NEIL3: variants seen among roughly 807,000 people sequenced by gnomAD.
The protein encoded by NEIL3 is nei like DNA glycosylase 3, also known as endonuclease 8-like 3.
In NEIL3, 48 loss-of-function variants were observed where a neutral mutation model predicts 57.5. The observed-to-expected ratio is 0.83, with a 90% CI of 0.66 to 1.06. The LOEUF (loss-of-function observed/expected upper bound fraction) is 1.06, where lower values mean the gene tolerates loss of function less well. Ranked by LOEUF, NEIL3 falls within the 50% of genes least tolerant of loss-of-function variation. The pLI is 0.00. For missense variants in NEIL3, 717 were observed against 739.1 expected, an observed-to-expected ratio of 0.97 and a Z score of 0.35; for synonymous variants, 261 against 253.2, an observed-to-expected ratio of 1.03 and a Z score of -0.29.
intron 6 of NEIL3, among the ~76,000 whole-genome samples, chr4:177,344,446 G>T (rs932094319): frequency 6.6e-6 from 1 of 152,052 alleles, no homozygotes; most frequent in Non-Finnish European, 1.5e-5. Flanking sequence ...AAATCCTCCT[G>T]TTTCTTCTGT....
At chr4:177,367,288 T>C (rs969905823), downstream of NEIL3, among the ~76,000 whole-genome samples, 5 of 152,212 alleles carry the variant, frequency 3.3e-5, no homozygotes, top group African/African-American at 1.2e-4. Context: ...TATCTTAGCA[T>C]GCCATCAGCC....
intron 2 of NEIL3, among the ~76,000 whole-genome samples, chr4:177,323,646 A>G (rs904268326): frequency 6.6e-6 from 1 of 152,196 alleles, no homozygotes; most frequent in Non-Finnish European, 1.5e-5. Flanking sequence ...TGCAGGTTAC[A>G]CTGCTGCTGT....
intron 2 of NEIL3, among the ~76,000 whole-genome samples, chr4:177,331,442 CA>C (rs531895754): frequency 9.2e-4 from 139 of 151,564 alleles, no homozygotes; most frequent in Admixed American, 4.7e-3. Context: ...AAATCATTAA[CA>C]TATTAATAAC....
intron 1 of NEIL3, among the ~76,000 whole-genome samples, chr4:177,316,238 G>T (rs1734571686): frequency 6.6e-6 from 1 of 152,060 alleles, no homozygotes; most frequent in Non-Finnish European, 1.5e-5. Context: ...CTTGGATAGG[G>T]GAGAACTACT....
Position 177,324,984 on chromosome 4 carries a change from GA to G in NEIL3, c.278+2405del, listed in dbSNP as rs1734753755. ...AGATAGATAGATAGATAGATAGATA[GA>G]TAAGTAAATATATTTTTCCAAGACC... On this transcript the variant is annotated intron_variant, in intron 2 of 9. Coordinates refer to ENST00000264596, the MANE Select transcript of NEIL3 (RefSeq NM_018248.3). 3.5e-5 allele frequency among the ~76,000 whole-genome samples: 5 copies of G among 142,610 alleles called. 1 individual carries two copies. In the South Asian group the frequency reaches 1.2e-3, roughly 33 times the overall value. The allele number at this position is 142,610 out of a possible 152,430, so 93.6% of individuals were successfully genotyped here. A position where few individuals can be genotyped will look rare whatever the true frequency, so the allele number is the denominator to read the frequency against.
intron 7 of NEIL3, among the ~76,000 whole-genome samples, chr4:177,352,325 A>G (rs1255337427): frequency 2.0e-5 from 3 of 152,114 alleles, no homozygotes. Flanking sequence ...CTCCCTCTTC[A>G]GTGTCCTTCA....
At chr4:177,343,509 T>G (rs1010251993) in intron 6 of NEIL3, 3 of 152,536 alleles carry the variant, frequency 2.0e-5, no homozygotes, top group African/African-American at 7.2e-5. Flanking sequence ...TGCGGTCATG[T>G]CTGTAGAGCT....
chr4:177,346,693 T>C (rs1735226960), intron 6 of NEIL3, among the ~76,000 whole-genome samples: 2 of 152,156 alleles, frequency 1.3e-5, no homozygotes, highest in African/African-American at 4.8e-5. Flanking sequence ...TAAAGATCTT[T>C]AGGTTATGTG....
intron 1 of NEIL3, among the ~76,000 whole-genome samples, chr4:177,317,149 A>G (rs1245140888): frequency 6.6e-6 from 1 of 152,212 alleles, no homozygotes; most frequent in Non-Finnish European, 1.5e-5. Flanking sequence ...GTCAACATGT[A>G]TGTTACAATA....
intron 4 of NEIL3, 102 bp downstream of exon 4, chr4:177,336,423 A>G: frequency 3.5e-6 from 3 of 852,786 alleles, no homozygotes; most frequent in Non-Finnish European, 5.5e-6. Flanking sequence ...CAGTCTCATC[A>G]GACTTCAGGT....
chr4:177,315,414 C>T (rs1207878844), intron 1 of NEIL3, among the ~76,000 whole-genome samples: 2 of 152,064 alleles, frequency 1.3e-5, no homozygotes, highest in Admixed American at 6.6e-5. Flanking sequence ...AGGAGATTTT[C>T]GTCTTTATTT....
At chr4:177,311,738 T>C (rs148803382) in intron 1 of NEIL3, among the ~76,000 whole-genome samples, 23 of 147,768 alleles carry the variant, frequency 1.6e-4, no homozygotes, top group Non-Finnish European at 3.1e-4. Flanking sequence ...AGCTCAGGGA[T>C]TGGAACAGGA....
At chr4:177,333,103 C>G (rs1237528932) in intron 2 of NEIL3, among the ~76,000 whole-genome samples, 2 of 151,666 alleles carry the variant, frequency 1.3e-5, no homozygotes, top group African/African-American at 4.8e-5. Flanking sequence ...GGTTTTACAA[C>G]TATTATATTC....
At position 177,335,321 on chromosome 4, in the gene NEIL3, C is replaced by A. The variant is rs182801038; in HGVS notation, c.279-367C>A. ...AAACTTAGCCTTATCTCATCCCAAGCCTTTGAATCTGAGAAAATGCCAAGA... is the reference window on the plus strand; with the variant it reads ...AAACTTAGCCTTATCTCATCCCAAGACTTTGAATCTGAGAAAATGCCAAGA... On this transcript the variant is annotated intron_variant, in intron 2 of 9. Coordinates refer to ENST00000264596, the MANE Select transcript of NEIL3 (RefSeq NM_018248.3). Among the ~76,000 whole-genome samples, 4 of 152,176 alleles carry A rather than the reference C, an allele frequency of 2.6e-5. 1 individual carries two copies. Among genetic ancestry groups the A allele is most frequent in the Admixed American group, 2.6e-4 (4 of 15,284 alleles).
At chr4:177,360,902 A>G (rs1735596292) in intron 9 of NEIL3, among the ~76,000 whole-genome samples, 1 of 152,212 alleles carries the variant, frequency 6.6e-6, no homozygotes, top group South Asian at 2.1e-4. Context: ...AGTATATCAT[A>G]TTTATAATCA....
intron 6 of NEIL3, 24 bp from the exon 7 acceptor site, chr4:177,351,356 T>C: frequency 6.4e-7 from 1 of 1,550,688 alleles, no homozygotes; most frequent in Non-Finnish European, 8.8e-7. Context: ...ATAACAATGA[T>C]TAATTTTAAA....
chr4:177,333,648 CTA>C (rs796309983), intron 2 of NEIL3, among the ~76,000 whole-genome samples: 15 of 152,306 alleles, frequency 9.8e-5, no homozygotes, highest in African/African-American at 3.6e-4. Context: ...CTGAAATCTT[CTA>C]TAGTCTTCCT....
At chr4:177,349,691 G>A (rs35188712) in intron 6 of NEIL3, among the ~76,000 whole-genome samples, 47 of 152,272 alleles carry the variant, frequency 3.1e-4, no homozygotes, top group African/African-American at 1.1e-3. Context: ...TTAAGTTTGG[G>A]ATTCTTCTTA....
Position 177,345,421 on chromosome 4 carries a change from G to C in NEIL3, c.869+3779G>C, listed in dbSNP as rs34154725. ...CTAGTTTGGAAATGTGGCTGTAGTT[G>C]GTTGCCAGTCAATGAGAATTTAGTG... On this transcript the variant is annotated intron_variant, in intron 6 of 9. Coordinates refer to ENST00000264596, the MANE Select transcript of NEIL3 (RefSeq NM_018248.3). Among the ~76,000 whole-genome samples the C allele has an allele frequency of 3.0e-3, 461 of 151,718 alleles. 11 individuals carry two copies. In the East Asian group the frequency reaches 0.061, roughly 20 times the overall value.
Sources: allele counts gnomAD v4.1 joint callset (sites outside exome capture counted in the v4.1 genomes callset), GRCh38; gene constraint gnomAD v4.1.1; transcripts MANE v1.5; gene names NCBI Gene and HGNC (gene_info 2026-07-23, HGNC 2026-07-21).